FBXW12: variants seen among roughly 807,000 people sequenced by gnomAD.
FBXW12 encodes the protein F-box/WD repeat-containing protein 12.
Under a neutral mutation model 55.3 loss-of-function variants are expected in FBXW12, and 43 were observed. The observed-to-expected ratio is 0.78, with a 90% CI of 0.61 to 1.00. The LOEUF (loss-of-function observed/expected upper bound fraction) is 1.00, where lower values mean the gene tolerates loss of function less well. Among genes scored for constraint, FBXW12 ranks in the 50% least tolerant of loss-of-function variants. FBXW12 has a pLI of 0.00. For missense variants in FBXW12, 524 were observed against 560.5 expected (o/e 0.93, Z 0.66); for synonymous variants, 184 against 203.8 (o/e 0.90, Z 0.83).
chr3:48,389,564 C>T (rs961111612), intron 10 of FBXW12, among the ~76,000 whole-genome samples: 1 of 152,070 alleles, frequency 6.6e-6, no homozygotes, highest in Non-Finnish European at 1.5e-5. Context: ...TTAGTAGAGA[C>T]AGGGTTTCAC....
intron 8 of FBXW12, 121 bp downstream of exon 8, chr3:48,381,033 T>TA (rs2036760996): frequency 2.3e-6 from 2 of 858,538 alleles, no homozygotes; most frequent in Non-Finnish European, 3.5e-6. Flanking sequence ...TTTTTTTTTT[T>TA]TTTTTTTGAG....
At chr3:48,390,446 A>T (rs2036907620) in intron 10 of FBXW12, among the ~76,000 whole-genome samples, 2 of 101,072 alleles carry the variant, frequency 2.0e-5, no homozygotes, top group Admixed American at 1.5e-4. Flanking sequence ...GCAGAGTCTT[A>T]CTCTGTTGCC....
intron 4 of FBXW12, among the ~76,000 whole-genome samples, chr3:48,374,199 G>A (rs1560029524): frequency 1.3e-5 from 2 of 152,088 alleles, no homozygotes; most frequent in African/African-American, 4.8e-5. Context: ...GACAGGGCCA[G>A]ACCCTGTCTC....
Position 48,392,450 on chromosome 3 carries a change from C to CAA in FBXW12, c.1296-2086_1296-2085dup, listed in dbSNP as rs33965777. Among the ~76,000 whole-genome samples the CAA allele has an allele frequency of 2.9e-3, 213 of 72,454 alleles. 1 individual carries two copies. Among genetic ancestry groups the CAA allele is most frequent in the Non-Finnish European group, 4.0e-3 (160 of 40,294 alleles). 47.5% of individuals were successfully genotyped at this position (72,454 alleles called of 152,430 possible). A position where few individuals can be genotyped will look rare whatever the true frequency, so the allele number is the denominator to read the frequency against. Reference sequence around the variant, plus strand: ...TGGGTGACAGAGCAACACTCAGTCTCAAAAAAAAAAAAAAAAAAAAAAAAA... The same window carrying CAA: ...TGGGTGACAGAGCAACACTCAGTCTCAAAAAAAAAAAAAAAAAAAAAAAAAAA... On this transcript the variant is annotated intron_variant, in intron 10 of 10. Coordinates refer to ENST00000296438, the MANE Select transcript of FBXW12 (RefSeq NM_207102.2).
intron 6 of FBXW12, 26 bp downstream of exon 6, chr3:48,378,552 G>C: frequency 6.3e-7 from 1 of 1,598,672 alleles, no homozygotes. Context: ...ATTTAGAGGG[G>C]ACCAAAAAAT....
chr3:48,385,122 C>T (rs1575362460), intron 10 of FBXW12, among the ~76,000 whole-genome samples: 1 of 152,254 alleles, frequency 6.6e-6, no homozygotes, highest in East Asian at 1.9e-4. Flanking sequence ...CTCTTCATTC[C>T]CCCTCTCTCC....
chr3:48,381,997 G>T lies in FBXW12; in HGVS notation c.1207G>T (p.Val403Leu). Residue 403 changes from valine to leucine, a missense_variant, in exon 10 of 11, where the codon GTG becomes TTG. Transcript: ENST00000296438. The part of the protein sequence containing the change: ...VLTTSENSVH[V>L]YMWEEGGRHP... ...CACCACATCCGAGAACTCTGTGCAC[G>T]TGTACATGTGGGAAGAAGGAGGCCG... The T allele has an allele frequency of 6.2e-7, 1 of 1,614,180 alleles. No individual in the cohort carries two copies. The highest frequency in any genetic ancestry group is 8.5e-7 in the Non-Finnish European group (1 of 1,180,036).
chr3:48,394,453 T>A, intron 10 of FBXW12, 107 bp from the exon 11 acceptor site: 1 of 680,698 alleles, frequency 1.5e-6, no homozygotes, highest in Non-Finnish European at 2.6e-6. Flanking sequence ...GAAGGACCAA[T>A]TAATTTGGAA....
chr3:48,392,450 CAAAAAAAA>C (rs33965777), intron 10 of FBXW12, among the ~76,000 whole-genome samples: 14 of 72,682 alleles, frequency 1.9e-4, no homozygotes, highest in Non-Finnish European at 3.2e-4. Context: ...CACTCAGTCT[CAAAAAAAA>C]AAAAAAAAAA....
rs576256514 is a variant in FBXW12 at position 48,385,351 on chromosome 3, T to C, written c.1295+3266T>C. 5.6e-3 allele frequency among the ~76,000 whole-genome samples: 857 copies of C among 151,804 alleles called. 5 individuals are homozygous for C. The highest frequency in any genetic ancestry group is 0.02 in the African/African-American group (818 of 41,332). ...AATGGTATTCCATTGTGTGTGTGTG[T>C]GTGTGTGTGTGTGTGTGTGTATGTA... On this transcript the variant is annotated intron_variant, in intron 10 of 10. Transcript: ENST00000296438.
In FBXW12 at chr3:48,380,696, CTT is replaced by C; in HGVS notation, c.775-4_775-3del. 6.2e-7 allele frequency: 1 copy of C among 1,609,566 alleles called. No individual in the cohort carries two copies. The highest frequency in any genetic ancestry group is 1.1e-5 in the South Asian group (1 of 90,996). On this transcript the variant is annotated splice_region_variant and splice_polypyrimidine_tract_variant and intron_variant, in intron 7 of 10. Coordinates refer to ENST00000296438, the MANE Select transcript of FBXW12 (RefSeq NM_207102.2). ...CCCCTGACCATGCATGCGATGCTCT[CTT>C]TAGGTATTCCTCACAGAGTCCTTAC... is the stretch of plus-strand genomic sequence containing the variant.
Position 48,381,847 on chromosome 3 carries a change from ACCATCAGGCAG to A in FBXW12, c.1140_1150del (p.Ala381GlnfsTer43). ...GGCTTCCTGCTGCAACGATTTGAGG[ACCATCAGGCAG>A]CCATCAACAACTTCTGGGTGGTATG... On this transcript the variant is annotated frameshift_variant, in exon 9 of 11. Coordinates refer to ENST00000296438, the MANE Select transcript of FBXW12 (RefSeq NM_207102.2). LOFTEE classifies it high-confidence loss of function. The A allele has an allele frequency of 6.2e-7, 1 of 1,607,586 alleles. No homozygotes were observed. Among genetic ancestry groups the A allele is most frequent in the Non-Finnish European group, 8.5e-7 (1 of 1,175,496 alleles).
At chr3:48,375,832 G>A (rs1473620354) in intron 5 of FBXW12, among the ~76,000 whole-genome samples, 2 of 151,908 alleles carry the variant, frequency 1.3e-5, no homozygotes, top group African/African-American at 2.4e-5. Context: ...CCGCCACCAC[G>A]CCTGGCTAAT....
Position 48,373,347 on chromosome 3 carries a change from TAAGGGAAGGGAAAGGGCAAG to T in FBXW12, c.128+3_128+22del. The stretch of plus-strand genomic sequence containing the variant: ...TGCAGACAGTGATTACCTGTGGAGG[TAAGGGAAGGGAAAGGGCAAG>T]GAGGGAAGGGGAGAGGAGATCATCT... On this transcript the variant is annotated splice_donor_5th_base_variant and intron_variant, in intron 3 of 10. Transcript: ENST00000296438. The T allele has an allele frequency of 6.2e-7, 1 of 1,613,816 alleles. No homozygotes were observed. Among genetic ancestry groups the T allele is most frequent in the Non-Finnish European group, 8.5e-7 (1 of 1,179,944 alleles).
intron 7 of FBXW12, among the ~76,000 whole-genome samples, chr3:48,380,334 G>A (rs569654244): frequency 6.6e-6 from 1 of 152,040 alleles, no homozygotes; most frequent in Admixed American, 6.6e-5. Context: ...CTGGTGGACT[G>A]GGCACCAAAG....
chr3:48,388,596 A>G (rs372613593), intron 10 of FBXW12, among the ~76,000 whole-genome samples: 4 of 152,182 alleles, frequency 2.6e-5, no homozygotes, highest in East Asian at 3.9e-4. Context: ...TAATATTTGC[A>G]TGTTATATTG....
At chr3:48,389,692 TA>T (rs2036894738) in intron 10 of FBXW12, among the ~76,000 whole-genome samples, 2 of 152,326 alleles carry the variant, frequency 1.3e-5, no homozygotes, top group African/African-American at 4.8e-5. Context: ...GAAGTTCTTT[TA>T]ATTAGGTCCC....
At chr3:48,386,340 T>G (rs2036848192) in intron 10 of FBXW12, among the ~76,000 whole-genome samples, 1 of 152,220 alleles carries the variant, frequency 6.6e-6, no homozygotes, top group Admixed American at 6.5e-5. Context: ...TATTCTGAGC[T>G]GTTGGTCACT....
Position 48,394,724 on chromosome 3 carries a change from A to G in FBXW12, c.*65A>G. The G allele has an allele frequency of 1.1e-6, 1 of 894,230 alleles. No homozygotes were observed. Among genetic ancestry groups the G allele is most frequent in the Non-Finnish European group, 1.8e-6 (1 of 555,484 alleles). 55.4% of individuals were successfully genotyped at this position (894,230 alleles called of 1,614,324 possible). The stretch of plus-strand genomic sequence containing the variant: ...AATGTAGTAAAGAAATTCTATTTGC[A>G]AGCCCAGAATGATTATTTTAGTGAA... On this transcript the variant is annotated 3_prime_UTR_variant, in exon 11 of 11. Transcript: ENST00000296438.
Sources: gnomAD v4.1 joint callset for allele counts (sites outside exome capture counted in the v4.1 genomes callset) on GRCh38, gnomAD v4.1.1 for gene constraint, MANE v1.5 for transcripts, NCBI Gene and HGNC (gene_info 2026-07-23, HGNC 2026-07-21) for gene names.